MTMR6: variants seen among roughly 807,000 people sequenced by gnomAD.
The protein encoded by MTMR6 is myotubularin related protein 6.
MTMR6 carries 47 observed loss-of-function variants against 80.1 expected under a neutral mutation model. The observed-to-expected ratio is 0.59, with a 90% CI of 0.46 to 0.75. The LOEUF (loss-of-function observed/expected upper bound fraction) is 0.75, where lower values mean the gene tolerates loss of function less well. Ranked by LOEUF, MTMR6 falls within the 30% of genes least tolerant of loss-of-function variation. The pLI is 0.00. For missense variants in MTMR6, 629 were observed against 730.9 expected, an observed-to-expected ratio of 0.86 and a Z score of 1.61; for synonymous variants, 254 against 253.0, an observed-to-expected ratio of 1.00 and a Z score of -0.04.
chr13:25,275,230 C>T (rs1442751300), intron 1 of MTMR6, among the ~76,000 whole-genome samples: 1 of 151,456 alleles, frequency 6.6e-6, no homozygotes, highest in Non-Finnish European at 1.5e-5. Flanking sequence ...AGTTCAAGAC[C>T]AGCCTGGCCA....
intron 9 of MTMR6, among the ~76,000 whole-genome samples, chr13:25,255,853 C>T (rs551048031): frequency 1.3e-5 from 2 of 152,230 alleles, no homozygotes; most frequent in African/African-American, 4.8e-5. Context: ...TCCCTGGAAC[C>T]CATCACCTCC....
At chr13:25,277,241 C>A (rs1379319162) in intron 1 of MTMR6, among the ~76,000 whole-genome samples, 1 of 152,188 alleles carries the variant, frequency 6.6e-6, no homozygotes, top group African/African-American at 2.4e-5. Flanking sequence ...CAATCAATCA[C>A]CAATTCCTAC....
intron 11 of MTMR6, among the ~76,000 whole-genome samples, chr13:25,252,412 G>C (rs1230719218): frequency 6.6e-6 from 1 of 152,226 alleles, no homozygotes; most frequent in Non-Finnish European, 1.5e-5. Flanking sequence ...GCACACGTAA[G>C]TGTGAGTGGG....
At chr13:25,262,665 C>A (rs1957365602) in intron 5 of MTMR6, among the ~76,000 whole-genome samples, 1 of 152,206 alleles carries the variant, frequency 6.6e-6, no homozygotes, top group African/African-American at 2.4e-5. Context: ...TCATGCCCAG[C>A]CTACTATTGT....
chr13:25,274,038 T>C, intron 2 of MTMR6, 33 bp downstream of exon 2: 1 of 1,263,440 alleles, frequency 7.9e-7, no homozygotes, highest in Non-Finnish European at 1.1e-6. Flanking sequence ...CCATTATTAT[T>C]ATGATAAATA....
intron 2 of MTMR6, among the ~76,000 whole-genome samples, chr13:25,273,821 G>A (rs1393252589): frequency 3.3e-5 from 5 of 152,074 alleles, no homozygotes; most frequent in South Asian, 2.1e-4. Context: ...CACCGCATCC[G>A]GCCTAGGAAC....
At chr13:25,262,793 C>G (rs375748394) in intron 5 of MTMR6, among the ~76,000 whole-genome samples, 1 of 152,194 alleles carries the variant, frequency 6.6e-6, no homozygotes, top group Non-Finnish European at 1.5e-5. Context: ...AATAAAACCA[C>G]GAAAATATGA....
chr13:25,271,374 C>T (rs1438222223), intron 2 of MTMR6, among the ~76,000 whole-genome samples: 1 of 152,124 alleles, frequency 6.6e-6, no homozygotes, highest in African/African-American at 2.4e-5. Context: ...CCAAAAGCAC[C>T]CTGACATAGT....
At chr13:25,278,647 A>G (rs1957777082) in intron 1 of MTMR6, among the ~76,000 whole-genome samples, 1 of 125,162 alleles carries the variant, frequency 8.0e-6, no homozygotes, top group African/African-American at 3.0e-5. Context: ...CAGGAGGTGG[A>G]GGTTGCAGTG....
chr13:25,252,116 C>CT, intron 11 of MTMR6, 132 bp from the exon 12 acceptor site: 1 of 872,022 alleles, frequency 1.1e-6, no homozygotes. Context: ...TATTCACAGT[C>CT]TAACCTTGTC....
intron 7 of MTMR6, 147 bp from the exon 8 acceptor site, chr13:25,257,992 C>G (rs1214597798): frequency 4.1e-6 from 2 of 489,094 alleles, no homozygotes; most frequent in African/African-American, 4.0e-5. Flanking sequence ...ATTAAAAGCT[C>G]AATAACTGAT....
intron 2 of MTMR6, among the ~76,000 whole-genome samples, chr13:25,268,458 C>T (rs1957502110): frequency 6.6e-6 from 1 of 152,138 alleles, no homozygotes; most frequent in Non-Finnish European, 1.5e-5. Flanking sequence ...TCAAATGCAC[C>T]GAGCTCCTTT....
chr13:25,266,536 A>G (rs1957457757), intron 3 of MTMR6, among the ~76,000 whole-genome samples: 1 of 152,248 alleles, frequency 6.6e-6, no homozygotes. Context: ...TTAGACTTAC[A>G]TGTTAAATCC....
chr13:25,274,335 AT>A, intron 1 of MTMR6, 148 bp from the exon 2 acceptor site: 1 of 554,318 alleles, frequency 1.8e-6, no homozygotes. Context: ...AATTCCATAT[AT>A]CTTTTTGGGG....
chr13:25,264,753 CA>C (rs769719876), intron 5 of MTMR6, among the ~76,000 whole-genome samples: 733 of 33,486 alleles, frequency 0.022, 4 homozygotes, highest in African/African-American at 0.052. Flanking sequence ...AACTCCATCT[CA>C]AAAAAAAAAA....
rs116373882 is a variant in MTMR6 at position 25,253,999 on chromosome 13, C to T, written c.1146-35G>A. The T allele has an allele frequency of 8.5e-4, 1,356 of 1,594,100 alleles. 21 individuals carry two copies. In the African/African-American group the frequency reaches 0.016, roughly 19 times the overall value. The stretch of plus-strand genomic sequence containing the variant: ...CAGAAAGTATAAGCTTTTAAAAACA[C>T]CTCTGAAAGGTCCATTGTTCAGGTA... On this transcript the variant is annotated intron_variant, in intron 10 of 13. Transcript: ENST00000381801.
chr13:25,273,547 A>G (rs1957631069), intron 2 of MTMR6, among the ~76,000 whole-genome samples: 1 of 144,738 alleles, frequency 6.9e-6, no homozygotes. Context: ...TTTTTTTGAG[A>G]CAGAGTCTCA....
chr13:25,257,669 C>G (rs1168998898), intron 8 of MTMR6, 67 bp downstream of exon 8: 2 of 1,159,584 alleles, frequency 1.7e-6, no homozygotes, highest in Admixed American at 2.2e-5. Flanking sequence ...CAGCCCCCAA[C>G]AGAATACATC....
At position 25,268,215 on chromosome 13, in the gene MTMR6, C is replaced by G. The variant is rs376359591; in HGVS notation, c.142-274G>C. Among the ~76,000 whole-genome samples the G allele has an allele frequency of 2.0e-5, 3 of 152,292 alleles. No homozygotes were observed. The East Asian group carries it at 5.8e-4, about 29-fold the overall frequency. On this transcript the variant is annotated intron_variant, in intron 2 of 13. Coordinates refer to ENST00000381801, the MANE Select transcript of MTMR6 (RefSeq NM_004685.5). Reference sequence around the variant, plus strand: ...GTAACCCATCTACTTCTCTCTATCTCTACTGTCACATCCCTAGTTGTAATG... The same window carrying G: ...GTAACCCATCTACTTCTCTCTATCTGTACTGTCACATCCCTAGTTGTAATG...
Sources: gnomAD v4.1 joint callset for allele counts (sites outside exome capture counted in the v4.1 genomes callset) on GRCh38, gnomAD v4.1.1 for gene constraint, MANE v1.5 for transcripts, NCBI Gene and HGNC (gene_info 2026-07-23, HGNC 2026-07-21) for gene names.